The following HCRTR2 variants were observed in gnomAD, a reference collection of about 807,000 sequenced individuals.
HCRTR2 encodes orexin receptor type 2.
HCRTR2 carries 22 observed loss-of-function variants against 49.0 expected under a neutral mutation model. The ratio of observed to expected loss-of-function variants is 0.45; its 90% CI spans 0.32 to 0.64. The LOEUF (loss-of-function observed/expected upper bound fraction) is 0.64. Ranked by LOEUF, HCRTR2 falls within the 30% of genes least tolerant of loss-of-function variation. The pLI is 0.04. For synonymous variants in HCRTR2, 236 were observed against 205.3 expected (o/e 1.15, Z -1.28); for missense variants, 491 against 559.4 (o/e 0.88, Z 1.23).
rs74404116 is a variant in HCRTR2 at position 55,212,675 on chromosome 6, G to T, written c.224-35964G>T. On this transcript the variant is annotated intron_variant, in intron 1 of 6. Coordinates refer to ENST00000370862, the MANE Select transcript of HCRTR2 (RefSeq NM_001384272.1). ...CCTAAGGATAATTAAACATATAAAA[G>T]AATGGAGAAAGACTGAGTCTGTTTT... 7.5e-3 allele frequency among the ~76,000 whole-genome samples: 1,138 copies of T among 152,198 alleles called. 11 individuals carry two copies. The highest frequency in any genetic ancestry group is 0.025 in the African/African-American group (1,056 of 41,540).
chr6:55,132,541 T>C (rs1352742055), intron 1 of HCRTR2, among the ~76,000 whole-genome samples: 1 of 152,004 alleles, frequency 6.6e-6, no homozygotes, highest in East Asian at 1.9e-4. Context: ...GAGAAACAGA[T>C]GGAATGTGGT....
chr6:55,149,383 G>A (rs756135896), intron 1 of HCRTR2, among the ~76,000 whole-genome samples: 3 of 152,018 alleles, frequency 2.0e-5, no homozygotes, highest in Non-Finnish European at 4.4e-5. Flanking sequence ...TGCAGATATG[G>A]CCACTCTTTC....
intron 1 of HCRTR2, among the ~76,000 whole-genome samples, chr6:55,156,176 ATTG>A (rs1369618698): frequency 6.6e-6 from 1 of 151,766 alleles, no homozygotes; most frequent in African/African-American, 2.4e-5. Context: ...CATGAATGGA[ATTG>A]TTGTGGCTCA....
rs201737914 is a variant in HCRTR2 at position 55,268,437 on chromosome 6, T to TA, written c.762+4622dup. 7.1e-3 allele frequency among the ~76,000 whole-genome samples: 1,083 copies of TA among 152,006 alleles called. 4 individuals are homozygous for TA. The highest frequency in any genetic ancestry group is 0.021 in the Middle Eastern group (6 of 292). ...AATAGATAAAAACCAACCAATAATT[T>TA]AAAAAAACCCATGATCCAACTTTAT... On this transcript the variant is annotated intron_variant, in intron 4 of 6. Coordinates refer to ENST00000370862, the MANE Select transcript of HCRTR2 (RefSeq NM_001384272.1).
At chr6:55,168,094 T>C (rs1764901962) in intron 1 of HCRTR2, among the ~76,000 whole-genome samples, 2 of 152,160 alleles carry the variant, frequency 1.3e-5, no homozygotes, top group Non-Finnish European at 1.5e-5. Flanking sequence ...CAAGTAGTGA[T>C]TGGCCAACAG....
intron 1 of HCRTR2, among the ~76,000 whole-genome samples, chr6:55,219,176 T>C (rs1765844353): frequency 6.6e-6 from 1 of 152,138 alleles, no homozygotes; most frequent in Non-Finnish European, 1.5e-5. Flanking sequence ...AGAAGCGGAT[T>C]GAACAACGTA....
chr6:55,214,700 G>C (rs1377777110), intron 1 of HCRTR2, among the ~76,000 whole-genome samples: 1 of 151,824 alleles, frequency 6.6e-6, no homozygotes, highest in Non-Finnish European at 1.5e-5. Context: ...TAAAGACAAT[G>C]AGCTTAGAAA....
chr6:55,218,700 C>T (rs1004302361), intron 1 of HCRTR2, among the ~76,000 whole-genome samples: 1 of 152,058 alleles, frequency 6.6e-6, no homozygotes, highest in Admixed American at 6.6e-5. Flanking sequence ...GTCAATTCAC[C>T]AGAAAGATAT....
chr6:55,106,542 C>A (rs923939949), exon 1 of HCRTR2: 2 of 152,014 alleles, frequency 1.3e-5, no homozygotes, highest in Admixed American at 6.6e-5. Context: ...TTTGAGCATT[C>A]AAGGTATGTA....
At chr6:55,219,541 T>G (rs1400327818) in intron 1 of HCRTR2, among the ~76,000 whole-genome samples, 1 of 152,018 alleles carries the variant, frequency 6.6e-6, no homozygotes, top group Non-Finnish European at 1.5e-5. Context: ...ATATCCAAAT[T>G]TATGGAATGC....
chr6:55,173,487 G>T (rs144796994), upstream of HCRTR2, among the ~76,000 whole-genome samples: 1 of 152,286 alleles, frequency 6.6e-6, no homozygotes, highest in East Asian at 1.9e-4. Context: ...TTCACATTCT[G>T]ACAAATGCTA....
intron 1 of HCRTR2, among the ~76,000 whole-genome samples, chr6:55,138,200 G>T (rs1764457644): frequency 6.6e-6 from 1 of 151,768 alleles, no homozygotes; most frequent in South Asian, 2.1e-4. Flanking sequence ...AAGATGAAAA[G>T]ATAGAATAGT....
intron 1 of HCRTR2, among the ~76,000 whole-genome samples, chr6:55,155,985 G>C (rs1376965762): frequency 2.0e-5 from 3 of 151,728 alleles, no homozygotes; most frequent in South Asian, 4.2e-4. Flanking sequence ...CTAAACTTCA[G>C]GTACCATCCT....
At chr6:55,205,373 A>C (rs1451338885) in intron 1 of HCRTR2, among the ~76,000 whole-genome samples, 2 of 152,204 alleles carry the variant, frequency 1.3e-5, no homozygotes, top group Non-Finnish European at 2.9e-5. Flanking sequence ...GGAAGAAGGA[A>C]TCTAAGGTAG....
intron 1 of HCRTR2, among the ~76,000 whole-genome samples, chr6:55,127,635 T>G (rs1764299801): frequency 6.6e-6 from 1 of 152,134 alleles, no homozygotes; most frequent in Admixed American, 6.5e-5. Flanking sequence ...CTTAATTGTC[T>G]TATGCCTAAC....
chr6:55,209,650 T>C (rs567038663), intron 1 of HCRTR2, among the ~76,000 whole-genome samples: 286 of 152,340 alleles, frequency 1.9e-3, no homozygotes, highest in African/African-American at 6.7e-3. Context: ...CTTCCCAATG[T>C]ATTATACATC....
intron 1 of HCRTR2, among the ~76,000 whole-genome samples, chr6:55,119,585 G>C (rs1340811705): frequency 6.6e-6 from 1 of 150,904 alleles, no homozygotes; most frequent in Non-Finnish European, 1.5e-5. Flanking sequence ...GTCTTCTTTT[G>C]AGAAGTGTCT....
At chr6:55,152,491 T>C (rs1427023320) in intron 1 of HCRTR2, among the ~76,000 whole-genome samples, 1 of 152,032 alleles carries the variant, frequency 6.6e-6, no homozygotes, top group Non-Finnish European at 1.5e-5. Flanking sequence ...ATTAACTCTT[T>C]ATCTGATATA....
intron 3 of HCRTR2, among the ~76,000 whole-genome samples, chr6:55,263,378 A>C (rs1461696624): frequency 1.3e-5 from 2 of 152,076 alleles, no homozygotes; most frequent in Admixed American, 1.3e-4. Context: ...TAATTTTGTT[A>C]ATTAGCCAGA....
Sources: gnomAD v4.1 joint callset for allele counts (sites outside exome capture counted in the v4.1 genomes callset) on GRCh38, gnomAD v4.1.1 for gene constraint, MANE v1.5 for transcripts, NCBI Gene and HGNC (gene_info 2026-07-23, HGNC 2026-07-21) for gene names.